VAT1L: variants seen among roughly 807,000 people sequenced by gnomAD.
VAT1L encodes the protein vesicle amine transport 1 like, also known as putative NADPH-dependent quinone oxidoreductase VAT1L.
In VAT1L, 34 loss-of-function variants were observed where a neutral mutation model predicts 44.1. That is an observed-to-expected ratio of 0.77 (90% CI 0.59 to 1.03). The LOEUF (loss-of-function observed/expected upper bound fraction) is 1.03. VAT1L is among the 50% of genes least tolerant of loss of function. VAT1L has a pLI of 0.00. For missense variants in VAT1L, 615 were observed against 538.8 expected (o/e 1.14, Z -1.40); for synonymous variants, 253 against 202.2 (o/e 1.25, Z -2.13).
chr16:77,789,004 C>A (rs12444404), intron 1 of VAT1L, 89 bp downstream of exon 1: 3 of 1,378,580 alleles, frequency 2.2e-6, no homozygotes, highest in Middle Eastern at 2.2e-4. Flanking sequence ...GGATGCTGCC[C>A]GGGTAGAACC....
intron 3 of VAT1L, among the ~76,000 whole-genome samples, chr16:77,833,670 G>C (rs1281654399): frequency 1.3e-5 from 2 of 152,052 alleles, no homozygotes; most frequent in Non-Finnish European, 2.9e-5. Flanking sequence ...AGAACTGCTT[G>C]AACCAGGGAG....
intron 2 of VAT1L, among the ~76,000 whole-genome samples, chr16:77,823,646 G>A (rs2016485937): frequency 6.6e-6 from 1 of 152,128 alleles, no homozygotes; most frequent in East Asian, 1.9e-4. Flanking sequence ...TAGATTAACT[G>A]ACAAAATGAA....
chr16:77,955,037 T>C (rs33967759), intron 7 of VAT1L, among the ~76,000 whole-genome samples: 41,300 of 152,130 alleles, frequency 0.27, 7,213 homozygotes, highest in Non-Finnish European at 0.38. Context: ...CATATTGTGT[T>C]CTGTTCATGA....
In VAT1L at chr16:77,939,641, C is replaced by T. The variant is rs553498455; in HGVS notation, c.1078-32209C>T. Reference sequence around the variant, plus strand: ...AGAAAATCTCAAACCCTCTTGCTACCGAAGGGTTTGAGATTCTAGACCAAA... The same window carrying T: ...AGAAAATCTCAAACCCTCTTGCTACTGAAGGGTTTGAGATTCTAGACCAAA... On this transcript the variant is annotated intron_variant, in intron 7 of 8. Coordinates refer to ENST00000302536, the MANE Select transcript of VAT1L (RefSeq NM_020927.3). 1.2e-4 allele frequency among the ~76,000 whole-genome samples: 19 copies of T among 152,140 alleles called. No individual in the cohort carries two copies. The South Asian group carries it at 3.3e-3, about 27-fold the overall frequency.
intron 7 of VAT1L, among the ~76,000 whole-genome samples, chr16:77,937,505 T>C (rs1407296814): frequency 1.3e-5 from 2 of 152,248 alleles, no homozygotes; most frequent in Non-Finnish European, 2.9e-5. Context: ...CCTCCCTTTG[T>C]GGCCGAGCTG....
At chr16:77,847,183 C>T (rs144607604) in intron 3 of VAT1L, among the ~76,000 whole-genome samples, 359 of 151,490 alleles carry the variant, frequency 2.4e-3, no homozygotes, top group African/African-American at 8.1e-3. Flanking sequence ...TAATTGCTTT[C>T]AGTCAGGCCA....
intron 7 of VAT1L, among the ~76,000 whole-genome samples, chr16:77,904,333 G>C (rs1005986775): frequency 5.9e-5 from 9 of 151,860 alleles, no homozygotes; most frequent in Non-Finnish European, 1.0e-4. Flanking sequence ...TCCTGTATTA[G>C]TCTTTCCAGG....
intron 7 of VAT1L, among the ~76,000 whole-genome samples, chr16:77,888,223 T>C (rs2017228455): frequency 6.6e-6 from 1 of 152,210 alleles, no homozygotes; most frequent in South Asian, 2.1e-4. Context: ...ATACTCTCCA[T>C]TGCATTTACT....
chr16:77,946,124 A>T (rs1053238423), intron 7 of VAT1L, among the ~76,000 whole-genome samples: 3 of 151,770 alleles, frequency 2.0e-5, no homozygotes, highest in African/African-American at 7.3e-5. Context: ...TTTAGACATT[A>T]TCACATTGTA....
At chr16:77,864,482 T>A (rs2016949569) in intron 4 of VAT1L, among the ~76,000 whole-genome samples, 2 of 152,094 alleles carry the variant, frequency 1.3e-5, no homozygotes, top group African/African-American at 4.8e-5. Flanking sequence ...GATGCATGCC[T>A]GTAGTCTCAG....
At chr16:77,950,513 G>T (rs2142523073) in intron 7 of VAT1L, among the ~76,000 whole-genome samples, 1 of 151,084 alleles carries the variant, frequency 6.6e-6, no homozygotes, top group Non-Finnish European at 1.5e-5. Flanking sequence ...TATAGCCAAG[G>T]TTGTGAGGTT....
intron 7 of VAT1L, among the ~76,000 whole-genome samples, chr16:77,945,962 C>A (rs780939829): frequency 1.2e-4 from 18 of 152,002 alleles, no homozygotes; most frequent in Non-Finnish European, 2.5e-4. Context: ...CCACCACGCC[C>A]ACCTAATTTT....
At chr16:77,920,488 A>G (rs1301387161) in intron 7 of VAT1L, among the ~76,000 whole-genome samples, 1 of 152,110 alleles carries the variant, frequency 6.6e-6, no homozygotes, top group African/African-American at 2.4e-5. Context: ...ATTTGAAAAC[A>G]CCCCCTGAAT....
chr16:77,822,433 T>C (rs2016466972), intron 2 of VAT1L, among the ~76,000 whole-genome samples: 1 of 152,110 alleles, frequency 6.6e-6, no homozygotes, highest in African/African-American at 2.4e-5. Context: ...GATGTTTTAT[T>C]CTTAATTGTA....
intron 3 of VAT1L, among the ~76,000 whole-genome samples, chr16:77,829,735 T>C (rs1276914614): frequency 6.6e-6 from 1 of 152,214 alleles, no homozygotes; most frequent in Non-Finnish European, 1.5e-5. Flanking sequence ...ATGAGCCTTG[T>C]TGATAAAGCT....
At chr16:77,974,411 G>T (rs1200196666) in intron 8 of VAT1L, among the ~76,000 whole-genome samples, 1 of 152,178 alleles carries the variant, frequency 6.6e-6, no homozygotes, top group Non-Finnish European at 1.5e-5. Flanking sequence ...CATCACACAT[G>T]AGTTGCTCCC....
At chr16:77,854,215 C>T (rs972188127) in intron 3 of VAT1L, among the ~76,000 whole-genome samples, 5 of 152,156 alleles carry the variant, frequency 3.3e-5, no homozygotes, top group Non-Finnish European at 5.9e-5. Context: ...TTCCCTCTCT[C>T]CTATCTCAGC....
intron 2 of VAT1L, among the ~76,000 whole-genome samples, chr16:77,821,700 C>T (rs1029947880): frequency 1.3e-5 from 2 of 151,984 alleles, no homozygotes; most frequent in African/African-American, 4.8e-5. Flanking sequence ...TAAAAGCAAC[C>T]ATAAGGAGTT....
intron 3 of VAT1L, among the ~76,000 whole-genome samples, chr16:77,845,036 C>G (rs1197077499): frequency 6.6e-6 from 1 of 152,140 alleles, no homozygotes; most frequent in African/African-American, 2.4e-5. Context: ...TTGGAAATTG[C>G]AAACATCCCA....
Sources: allele counts gnomAD v4.1 joint callset (sites outside exome capture counted in the v4.1 genomes callset), GRCh38; gene constraint gnomAD v4.1.1; transcripts MANE v1.5; gene names NCBI Gene and HGNC (gene_info 2026-07-23, HGNC 2026-07-21).